The following ASCC3 variants were observed in gnomAD, a reference collection of about 807,000 sequenced individuals.
ASCC3 encodes activating signal cointegrator 1 complex subunit 3, also known as ASC-1 complex subunit P200.
A neutral mutation model predicts 256.3 loss-of-function variants in ASCC3; 158 were observed. The ratio of observed to expected loss-of-function variants is 0.62; its 90% CI spans 0.54 to 0.70. ASCC3 has a LOEUF of 0.70. Among genes scored for constraint, ASCC3 ranks in the 30% least tolerant of loss-of-function variants. ASCC3 has a pLI of 0.00. For synonymous variants in ASCC3, 948 were observed against 883.4 expected (o/e 1.07, Z -1.30); for missense variants, 2,259 against 2,626.0 (o/e 0.86, Z 3.05).
At chr6:100,644,947 A>C (rs2114898604) in intron 22 of ASCC3, among the ~76,000 whole-genome samples, 1 of 152,340 alleles carries the variant, frequency 6.6e-6, no homozygotes, top group African/African-American at 2.4e-5. Context: ...CTGGTCTTTG[A>C]ATGACATCTT....
chr6:100,585,492 T>C (rs1582501142), intron 36 of ASCC3, among the ~76,000 whole-genome samples: 1 of 152,196 alleles, frequency 6.6e-6, no homozygotes, highest in East Asian at 1.9e-4. Context: ...TAAATTTTTT[T>C]CAAAGTTTTC....
chr6:100,635,712 TAA>T (rs1774808675), intron 25 of ASCC3, among the ~76,000 whole-genome samples: 1 of 151,878 alleles, frequency 6.6e-6, no homozygotes, highest in African/African-American at 2.4e-5. Context: ...TAATTTTTAT[TAA>T]AAATAATATA....
intron 13 of ASCC3, among the ~76,000 whole-genome samples, chr6:100,686,987 G>A (rs1212982450): frequency 3.4e-5 from 5 of 145,154 alleles, no homozygotes; most frequent in East Asian, 2.2e-4. Context: ...CAATACAGAC[G>A]TAGTTCATTT....
At chr6:100,586,882 G>A (rs944501407) in intron 36 of ASCC3, among the ~76,000 whole-genome samples, 5 of 152,072 alleles carry the variant, frequency 3.3e-5, no homozygotes, top group Admixed American at 2.6e-4. Flanking sequence ...AAATATTATG[G>A]TAAGTTCAAA....
At chr6:100,511,369 T>C (rs1188969390) in intron 40 of ASCC3, among the ~76,000 whole-genome samples, 3 of 151,880 alleles carry the variant, frequency 2.0e-5, no homozygotes, top group Admixed American at 1.3e-4. Context: ...AGGGAGCTGA[T>C]GTTGCACCCT....
intron 34 of ASCC3, among the ~76,000 whole-genome samples, chr6:100,591,171 A>T (rs1325302811): frequency 6.6e-6 from 1 of 152,114 alleles, no homozygotes; most frequent in African/African-American, 2.4e-5. Context: ...TCATTAATTT[A>T]AACAAAATGT....
At chr6:100,756,992 T>A (rs1781209953) in intron 10 of ASCC3, among the ~76,000 whole-genome samples, 1 of 152,124 alleles carries the variant, frequency 6.6e-6, no homozygotes, top group South Asian at 2.1e-4. Flanking sequence ...TGCTCACAGA[T>A]GGAGAGACAT....
intron 4 of ASCC3, among the ~76,000 whole-genome samples, chr6:100,810,879 A>G (rs1325490714): frequency 6.6e-6 from 1 of 152,184 alleles, no homozygotes; most frequent in African/African-American, 2.4e-5. Context: ...AAAGCTGATA[A>G]GAAGTATTGA....
chr6:100,577,536 A>G (rs977556893), intron 36 of ASCC3, among the ~76,000 whole-genome samples: 8 of 152,014 alleles, frequency 5.3e-5, no homozygotes, highest in African/African-American at 1.9e-4. Context: ...CTCCATATGG[A>G]CGATTAACAT....
chr6:100,802,759 G>C (rs942764800), intron 5 of ASCC3, among the ~76,000 whole-genome samples: 2 of 151,974 alleles, frequency 1.3e-5, no homozygotes, highest in African/African-American at 4.8e-5. Context: ...AAACACTTTG[G>C]GGGGCTGAGG....
chr6:100,545,992 A>G (rs879609100), intron 36 of ASCC3, among the ~76,000 whole-genome samples: 16 of 152,174 alleles, frequency 1.1e-4, no homozygotes, highest in Admixed American at 1.0e-3. Flanking sequence ...AACTATCTTT[A>G]TTTGCAGTTG....
chr6:100,509,399 A>T lies in ASCC3; in HGVS notation c.6596T>A (p.Leu2199Gln). ...NTKVSDSLTDLALK is the reference protein window; with the variant it reads ...NTKVSDSLTDQALK ...GTTCAGGTCAAGTTACTTTAATGCC[A>T]GGTCAGTCAGGGAATCAGAGACCTT... The change falls in exon 42 of 42, where the codon CTG becomes CAG. Residue 2199 changes from leucine (L) to glutamine (Q), a missense_variant. Leu to Gln is a moderately radical substitution (Grantham distance 113). This residue lies in a region of ASCC3 where 1,839 missense variants were observed against 2,206.7 expected (regional missense o/e 0.83). Transcript: ENST00000369162. 6.2e-7 allele frequency: 1 copy of T among 1,614,218 alleles called. No homozygotes were observed. The highest frequency in any genetic ancestry group is 8.5e-7 in the Non-Finnish European group (1 of 1,180,022).
At chr6:100,626,540 A>C (rs1247629684) in intron 29 of ASCC3, among the ~76,000 whole-genome samples, 3 of 152,124 alleles carry the variant, frequency 2.0e-5, no homozygotes, top group Non-Finnish European at 4.4e-5. Flanking sequence ...TTAGTTATTT[A>C]CTATTGATTT....
chr6:100,589,165 G>A lies in ASCC3; in HGVS notation c.5550+469C>T, dbSNP rs1771858274. On this transcript the variant is annotated intron_variant, in intron 36 of 41. Coordinates refer to ENST00000369162, the MANE Select transcript of ASCC3 (RefSeq NM_006828.4). ...ATATCTGTGGTCATTTTTTTGGTAA[G>A]GGTGTTTGTGGGGATGGGGGATAAA... 2.6e-5 allele frequency among the ~76,000 whole-genome samples: 4 copies of A among 152,074 alleles called. No individual in the cohort carries two copies. The South Asian group carries it at 8.3e-4, about 32-fold the overall frequency.
chr6:100,723,913 TGACACA>T, intron 11 of ASCC3, among the ~76,000 whole-genome samples: 1 of 140,594 alleles, frequency 7.1e-6, no homozygotes, highest in African/African-American at 2.6e-5. Flanking sequence ...ATTATATATA[TGACACA>T]TATATATAAT....
chr6:100,687,835 G>T (rs1777655964), intron 13 of ASCC3, among the ~76,000 whole-genome samples: 1 of 152,052 alleles, frequency 6.6e-6, no homozygotes, highest in Non-Finnish European at 1.5e-5. Flanking sequence ...TCAAGGGAAA[G>T]TATCCATATG....
intron 36 of ASCC3, among the ~76,000 whole-genome samples, chr6:100,589,033 G>A (rs532901213): frequency 6.6e-6 from 1 of 151,926 alleles, no homozygotes; most frequent in Non-Finnish European, 1.5e-5. Flanking sequence ...AGCCAGAAGG[G>A]GACATTATGT....
intron 10 of ASCC3, among the ~76,000 whole-genome samples, chr6:100,755,032 G>A (rs1027963185): frequency 1.3e-5 from 2 of 151,604 alleles, no homozygotes; most frequent in Admixed American, 1.3e-4. Context: ...ACCCAGTCTC[G>A]GGTATTTCTT....
chr6:100,879,731 GA>G (rs1439918048), intron 1 of ASCC3, among the ~76,000 whole-genome samples: 3 of 152,008 alleles, frequency 2.0e-5, no homozygotes, highest in African/African-American at 7.2e-5. Flanking sequence ...AACAAGCTTT[GA>G]AAAAGAAAAA....
Sources: allele counts gnomAD v4.1 joint callset (sites outside exome capture counted in the v4.1 genomes callset), GRCh38; gene constraint gnomAD v4.1.1; regional missense constraint gnomAD v4.1.1; transcripts MANE v1.5; gene names NCBI Gene and HGNC (gene_info 2026-07-23, HGNC 2026-07-21).